OSBPL8: variants seen among roughly 807,000 people sequenced by gnomAD.
OSBPL8 encodes the protein oxysterol binding protein like 8.
A neutral mutation model predicts 125.5 loss-of-function variants in OSBPL8; 59 were observed. The ratio of observed to expected loss-of-function variants is 0.47; its 90% confidence interval spans 0.38 to 0.58. The LOEUF (loss-of-function observed/expected upper bound fraction) is 0.58, where lower values mean the gene tolerates loss of function less well. OSBPL8 is among the 20% of genes least tolerant of loss of function. The pLI is 0.00. For missense variants in OSBPL8, 758 were observed against 1,047.8 expected (o/e 0.72, Z 3.82); for synonymous variants, 330 against 338.9 (o/e 0.97, Z 0.29).
chr12:76,549,837 A>C (rs756824673), intron 1 of OSBPL8, among the ~76,000 whole-genome samples: 37 of 152,138 alleles, frequency 2.4e-4, no homozygotes, highest in Admixed American at 5.2e-4. Flanking sequence ...TTTTACACAG[A>C]ATTCGGAAAG....
Position 76,413,193 on chromosome 12 carries a change from TAAC to T in OSBPL8, c.218-2562_218-2560del, listed in dbSNP as rs544963746. 9.2e-5 allele frequency among the ~76,000 whole-genome samples: 14 copies of T among 152,320 alleles called. No individual in the cohort carries two copies. In the South Asian group the frequency reaches 1.2e-3, roughly 14 times the overall value. On this transcript the variant is annotated intron_variant, in intron 4 of 23. Coordinates refer to ENST00000261183, the MANE Select transcript of OSBPL8 (RefSeq NM_020841.5). Reference sequence around the variant, plus strand: ...AAATGTATAACAGAGAATACTTACTTAACAACCTCCCAAATCAAGAAATAGAGA... The same window carrying T: ...AAATGTATAACAGAGAATACTTACTTAACCTCCCAAATCAAGAAATAGAGA...
chr12:76,446,728 C>A (rs897021811), intron 4 of OSBPL8, among the ~76,000 whole-genome samples: 10 of 152,088 alleles, frequency 6.6e-5, no homozygotes, highest in Non-Finnish European at 1.5e-4. Context: ...TGGTTATCAT[C>A]TACCAGGTGC....
chr12:76,552,537 G>A (rs1950976126), intron 1 of OSBPL8, among the ~76,000 whole-genome samples: 1 of 151,374 alleles, frequency 6.6e-6, no homozygotes, highest in Non-Finnish European at 1.5e-5. Context: ...CTACTACATG[G>A]TCCCTCCCTC....
intron 4 of OSBPL8, among the ~76,000 whole-genome samples, chr12:76,435,831 A>C (rs1202583225): frequency 6.6e-6 from 1 of 152,154 alleles, no homozygotes. Context: ...GCAGTTTGCA[A>C]ATCAGGGACT....
chr12:76,429,827 C>G (rs933917369), intron 4 of OSBPL8, among the ~76,000 whole-genome samples: 1 of 151,900 alleles, frequency 6.6e-6, no homozygotes, highest in Non-Finnish European at 1.5e-5. Context: ...CCTAAGTCAG[C>G]CAACACAAAT....
In OSBPL8 at chr12:76,541,794, T is replaced by G. The variant is rs180956533; in HGVS notation, c.-68+17603A>C. Among the ~76,000 whole-genome samples, 62 of 152,006 alleles carry G rather than the reference T, an allele frequency of 4.1e-4. 2 individuals carry two copies. Among genetic ancestry groups the G allele is most frequent in the Admixed American group, 3.5e-3 (53 of 15,288 alleles). On this transcript the variant is annotated intron_variant, in intron 1 of 23. Transcript: ENST00000261183. ...TTGTTTGAACCCGGGAGGTGGAGGCTGCAGTGAGCTGAGATCGTGCCACTG... is the reference window on the plus strand; with the variant it reads ...TTGTTTGAACCCGGGAGGTGGAGGCGGCAGTGAGCTGAGATCGTGCCACTG...
chr12:76,416,099 C>T (rs951226402), intron 4 of OSBPL8, among the ~76,000 whole-genome samples: 3 of 152,014 alleles, frequency 2.0e-5, no homozygotes, highest in Non-Finnish European at 2.9e-5. Context: ...CCACAAATTT[C>T]GATATGTAAT....
rs577612033 is a variant in OSBPL8 at position 76,437,494 on chromosome 12, T to C, written c.217+13357A>G. Among the ~76,000 whole-genome samples, 11 of 152,344 alleles carry C rather than the reference T, an allele frequency of 7.2e-5. No individual in the cohort carries two copies. In the South Asian group the frequency reaches 1.2e-3, roughly 17 times the overall value. On this transcript the variant is annotated intron_variant, in intron 4 of 23. Transcript: ENST00000261183. ...TTTGGACATCTTTCTGGTGAACTTTTTGGTCTTTTTGGTTAATCCATAGGA... is the reference window on the plus strand; with the variant it reads ...TTTGGACATCTTTCTGGTGAACTTTCTGGTCTTTTTGGTTAATCCATAGGA...
intron 1 of OSBPL8, among the ~76,000 whole-genome samples, chr12:76,544,923 T>C (rs1244325984): frequency 6.6e-6 from 1 of 152,102 alleles, no homozygotes; most frequent in Non-Finnish European, 1.5e-5. Context: ...AAGGATTACA[T>C]AATATACTAC....
At chr12:76,461,999 T>C (rs1360958039) in intron 2 of OSBPL8, among the ~76,000 whole-genome samples, 4 of 152,250 alleles carry the variant, frequency 2.6e-5, no homozygotes, top group African/African-American at 9.6e-5. Context: ...AAATGCTTCA[T>C]AGACATCTTC....
chr12:76,416,554 T>C (rs1355168386), intron 4 of OSBPL8, among the ~76,000 whole-genome samples: 1 of 152,086 alleles, frequency 6.6e-6, no homozygotes, highest in African/African-American at 2.4e-5. Flanking sequence ...TAAAATTTCC[T>C]TATATATTTT....
At chr12:76,502,631 C>T (rs891372476) in intron 1 of OSBPL8, among the ~76,000 whole-genome samples, 1 of 152,128 alleles carries the variant, frequency 6.6e-6, no homozygotes, top group African/African-American at 2.4e-5. Context: ...ACTGCATGTT[C>T]GGTGATTAAA....
At chr12:76,378,942 A>G (rs1203271025) in intron 15 of OSBPL8, among the ~76,000 whole-genome samples, 1 of 151,784 alleles carries the variant, frequency 6.6e-6, no homozygotes, top group Non-Finnish European at 1.5e-5. Context: ...GCTAATTTTT[A>G]TATTTGTAGT....
chr12:76,430,251 G>A (rs1870652261), intron 4 of OSBPL8, among the ~76,000 whole-genome samples: 1 of 152,100 alleles, frequency 6.6e-6, no homozygotes, highest in South Asian at 2.1e-4. Flanking sequence ...TCAGAGATAG[G>A]CTTGCTTGAC....
chr12:76,494,903 G>A (rs1258947984), intron 1 of OSBPL8, among the ~76,000 whole-genome samples: 1 of 152,128 alleles, frequency 6.6e-6, no homozygotes, highest in South Asian at 2.1e-4. Flanking sequence ...ACATATTGAT[G>A]GCATTTAAAT....
intron 21 of OSBPL8, among the ~76,000 whole-genome samples, chr12:76,361,692 C>T (rs991954770): frequency 6.6e-5 from 10 of 152,248 alleles, no homozygotes; most frequent in African/African-American, 2.2e-4. Context: ...CCCTTTCTTA[C>T]ATGGCAGCAG....
chr12:76,493,637 T>C (rs1381365684), intron 1 of OSBPL8, among the ~76,000 whole-genome samples: 1 of 152,218 alleles, frequency 6.6e-6, no homozygotes, highest in African/African-American at 2.4e-5. Flanking sequence ...CCTTTTTTTA[T>C]CTTGCTGCTT....
At chr12:76,366,103 A>G (rs1008900359) in intron 21 of OSBPL8, among the ~76,000 whole-genome samples, 17 of 152,214 alleles carry the variant, frequency 1.1e-4, no homozygotes, top group Non-Finnish European at 7.3e-5. Flanking sequence ...GCCTCAGAGA[A>G]TAAGTTAGGA....
At chr12:76,421,285 G>T (rs1164711886) in intron 4 of OSBPL8, among the ~76,000 whole-genome samples, 1 of 151,930 alleles carries the variant, frequency 6.6e-6, no homozygotes, top group Non-Finnish European at 1.5e-5. Flanking sequence ...ACTTCTGAAT[G>T]ACAAACGACT....
Sources: gnomAD v4.1 joint callset for allele counts (sites outside exome capture counted in the v4.1 genomes callset) on GRCh38, gnomAD v4.1.1 for gene constraint, MANE v1.5 for transcripts, NCBI Gene and HGNC (gene_info 2026-07-23, HGNC 2026-07-21) for gene names.